The following IFT122 variants were observed in gnomAD, a reference collection of about 807,000 sequenced individuals.
IFT122 encodes the protein intraflagellar transport protein 122 homolog.
A neutral mutation model predicts 161.6 loss-of-function variants in IFT122; 118 were observed. That is an observed-to-expected ratio of 0.73 (90% confidence interval 0.63 to 0.85). IFT122 has a LOEUF of 0.85. IFT122 is among the 40% of genes least tolerant of loss of function. The pLI is 0.00. For missense variants in IFT122, 1,381 were observed against 1,579.6 expected (o/e 0.87, Z 2.13); for synonymous variants, 550 against 602.4 (o/e 0.91, Z 1.27).
In IFT122 at chr3:129,519,146, T is replaced by C. The variant is rs781362276; in HGVS notation, c.3431T>C (p.Ile1144Thr). 6.2e-6 allele frequency: 10 copies of C among 1,613,968 alleles called. No individual in the cohort carries two copies. Among genetic ancestry groups the C allele is most frequent in the African/African-American group, 2.7e-5 (2 of 74,932 alleles). ...ILRLVETKDS[I>T]GDEDPFTAKL... Reference sequence around the variant, plus strand: ...CGGCTAGTGGAGACCAAGGACTCCATCGGAGATGAGGACCCGTTCACAGCT... The same window carrying C: ...CGGCTAGTGGAGACCAAGGACTCCACCGGAGATGAGGACCCGTTCACAGCT... Residue 1144 changes from isoleucine (I) to threonine (T), a missense_variant, in exon 28 of 30, where the codon ATC (isoleucine) becomes ACC (threonine). Physicochemically the swap from Ile to Thr is moderately conservative, Grantham distance 89. Coordinates refer to ENST00000348417, the MANE Select transcript of IFT122 (RefSeq NM_052989.3).
intron 16 of IFT122, among the ~76,000 whole-genome samples, chr3:129,491,706 C>T (rs1400235632): frequency 6.6e-6 from 1 of 152,160 alleles, no homozygotes; most frequent in African/African-American, 2.4e-5. Context: ...GTAGGCATAG[C>T]TGTCCCCTGC....
chr3:129,467,100 G>T (rs777199171), intron 8 of IFT122, 34 bp downstream of exon 8: 1 of 1,600,312 alleles, frequency 6.2e-7, no homozygotes, highest in Non-Finnish European at 8.5e-7. Flanking sequence ...AACCCTTCTG[G>T]TAAGGGCCCA....
intron 9 of IFT122, among the ~76,000 whole-genome samples, chr3:129,473,068 A>G (rs1394866582): frequency 6.6e-6 from 1 of 152,194 alleles, no homozygotes; most frequent in Non-Finnish European, 1.5e-5. Context: ...CTGGAGGCCA[A>G]GGAGGGACGA....
At chr3:129,448,817 G>C (rs373306639) in intron 1 of IFT122, among the ~76,000 whole-genome samples, 1 of 151,720 alleles carries the variant, frequency 6.6e-6, no homozygotes. Flanking sequence ...TCAGCCTCTC[G>C]AGTAGCTGGG....
rs769442256 is a variant in IFT122, at chr3:129,487,001, T to C, written c.1852-1256T>C. On this transcript the variant is annotated intron_variant, in intron 15 of 29. Transcript: ENST00000348417. ...AAGCAGCCATGTTTTGCTCTGAGAGTAGACAGACTCAAAATAAAAAAAATT... is the reference window on the plus strand; with the variant it reads ...AAGCAGCCATGTTTTGCTCTGAGAGCAGACAGACTCAAAATAAAAAAAATT... Among the ~76,000 whole-genome samples the C allele has an allele frequency of 6.6e-5, 10 of 152,116 alleles. No individual in the cohort carries two copies. In the East Asian group the frequency reaches 9.7e-4, roughly 15 times the overall value.
Position 129,459,118 on chromosome 3 carries a change from T to A in IFT122, c.272+441T>A, listed in dbSNP as rs376474450. The stretch of plus-strand genomic sequence containing the variant: ...TTGGTCCCTATTTACCCTGCAGATC[T>A]CAGACTCAAATGTCAGTTTCTTTGT... On this transcript the variant is annotated intron_variant, in intron 4 of 29. Coordinates refer to ENST00000348417, the MANE Select transcript of IFT122 (RefSeq NM_052989.3). Among the ~76,000 whole-genome samples the A allele has an allele frequency of 6.6e-5, 10 of 152,320 alleles. No homozygotes were observed. The East Asian group carries it at 1.9e-3, about 29-fold the overall frequency.
intron 16 of IFT122, among the ~76,000 whole-genome samples, chr3:129,491,256 A>C (rs1264694178): frequency 6.6e-6 from 1 of 152,250 alleles, no homozygotes; most frequent in Non-Finnish European, 1.5e-5. Flanking sequence ...GCAAGTGGTC[A>C]GGATTGCTCT....
intron 23 of IFT122, among the ~76,000 whole-genome samples, chr3:129,509,163 T>C (rs2082502625): frequency 6.6e-6 from 1 of 152,226 alleles, no homozygotes; most frequent in African/African-American, 2.4e-5. Flanking sequence ...AATGTTTTGT[T>C]GTTGTTGCAT....
chr3:129,461,330 TC>T, intron 5 of IFT122, 26 bp downstream of exon 5: 2 of 1,548,438 alleles, frequency 1.3e-6, no homozygotes, highest in Non-Finnish European at 1.8e-6. Context: ...TGATGTCCTG[TC>T]CTGGAATAAC....
At chr3:129,460,501 CCTT>C (rs1559867176) in intron 4 of IFT122, among the ~76,000 whole-genome samples, 1 of 151,826 alleles carries the variant, frequency 6.6e-6, no homozygotes, top group Admixed American at 6.6e-5. Flanking sequence ...CTCAAGCAAT[CCTT>C]CTCCCTTGGC....
intron 17 of IFT122, among the ~76,000 whole-genome samples, chr3:129,494,134 TTGGTCA>T (rs2080525844): frequency 1.3e-5 from 2 of 152,212 alleles, no homozygotes; most frequent in Non-Finnish European, 2.9e-5. Flanking sequence ...ATCGTTTTTA[TTGGTCA>T]TGGTGATATC....
intron 9 of IFT122, among the ~76,000 whole-genome samples, chr3:129,475,388 A>G (rs1386159003): frequency 6.6e-6 from 1 of 152,180 alleles, no homozygotes. Context: ...GCTATGACTC[A>G]CTCCTGTAAT....
intron 17 of IFT122, among the ~76,000 whole-genome samples, chr3:129,493,307 A>G (rs901801166): frequency 1.3e-5 from 2 of 152,242 alleles, no homozygotes; most frequent in African/African-American, 4.8e-5. Flanking sequence ...CCCATAATAA[A>G]CACCTGTCAT....
intron 1 of IFT122, among the ~76,000 whole-genome samples, chr3:129,444,731 A>G (rs1168140779): frequency 1.3e-5 from 2 of 152,182 alleles, no homozygotes; most frequent in Non-Finnish European, 2.9e-5. Context: ...CATGTTGGCC[A>G]GGATGGTCTC....
At chr3:129,469,301 G>T (rs368938355) in intron 8 of IFT122, 41 bp from the exon 9 acceptor site, 1 of 1,521,670 alleles carries the variant, frequency 6.6e-7, no homozygotes, top group African/African-American at 1.4e-5. Context: ...TCATCAGCAG[G>T]CTGTGGCCCT....
At position 129,481,413 on chromosome 3, in the gene IFT122, T is replaced by G. The variant is rs80154470; in HGVS notation, c.1489-117T>G. ...TGAGTCCTTTTCCCTGCACAGAGCT[T>G]CTGGTGAAGGTGGTGGGAGTTGTTC... On this transcript the variant is annotated intron_variant, in intron 13 of 29. Coordinates refer to ENST00000348417, the MANE Select transcript of IFT122 (RefSeq NM_052989.3). 41,778 of 924,198 alleles carry G rather than the reference T, an allele frequency of 0.045. 5,007 individuals are homozygous for G. Among genetic ancestry groups the G allele is most frequent in the East Asian group, 0.38 (14,749 of 38,978 alleles). 57.2% of individuals were successfully genotyped at this position (924,198 alleles called of 1,614,324 possible). A position where few individuals can be genotyped will look rare whatever the true frequency, so the allele number is the denominator to read the frequency against.
chr3:129,484,574 G>C (rs2079060867), intron 15 of IFT122, among the ~76,000 whole-genome samples: 1 of 152,152 alleles, frequency 6.6e-6, no homozygotes. Flanking sequence ...TGGAACCTCA[G>C]ATTTACTGTA....
intron 18 of IFT122, among the ~76,000 whole-genome samples, chr3:129,497,795 G>C (rs1182856969): frequency 2.0e-5 from 3 of 152,024 alleles, no homozygotes; most frequent in African/African-American, 7.2e-5. Flanking sequence ...TTATGTGGGG[G>C]GTGGGGGAGA....
At chr3:129,476,854 A>G in intron 11 of IFT122, 53 bp downstream of exon 11, 2 of 1,611,256 alleles carry the variant, frequency 1.2e-6, no homozygotes, top group East Asian at 2.2e-5. Context: ...GCAGGTGGAA[A>G]GGGCTGGTGA....
Sources: gnomAD v4.1 joint callset for allele counts (sites outside exome capture counted in the v4.1 genomes callset) on GRCh38, gnomAD v4.1.1 for gene constraint, MANE v1.5 for transcripts, NCBI Gene and HGNC (gene_info 2026-07-23, HGNC 2026-07-21) for gene names.